PDE4B: variants seen among roughly 807,000 people sequenced by gnomAD.
PDE4B encodes the protein 3',5'-cyclic-AMP phosphodiesterase 4B.
Under a neutral mutation model 82.2 loss-of-function variants are expected in PDE4B, and 20 were observed. The ratio of observed to expected loss-of-function variants is 0.24; its 90% CI spans 0.17 to 0.35. The LOEUF is 0.35. PDE4B is among the 10% of genes least tolerant of loss of function. The probability of loss-of-function intolerance (pLI) is 1.00; values close to 1 mark genes in which losing one functional copy is unlikely to be tolerated. For missense variants in PDE4B, 655 were observed against 907.2 expected, an observed-to-expected ratio of 0.72 and a Z score of 3.57; for synonymous variants, 320 against 318.9, an observed-to-expected ratio of 1.00 and a Z score of -0.04.
At chr1:66,298,765 T>C (rs1187976123) in intron 7 of PDE4B, among the ~76,000 whole-genome samples, 1 of 152,132 alleles carries the variant, frequency 6.6e-6, no homozygotes, top group East Asian at 1.9e-4. Flanking sequence ...TTCCATACAG[T>C]GGAACTTGAG....
intron 3 of PDE4B, among the ~76,000 whole-genome samples, chr1:66,067,258 C>T (rs373938106): frequency 2.6e-5 from 4 of 152,000 alleles, no homozygotes; most frequent in Non-Finnish European, 5.9e-5. Flanking sequence ...CCTGAGGAAT[C>T]GCCACACTGA....
At chr1:66,086,546 T>C (rs1007003775) in intron 3 of PDE4B, among the ~76,000 whole-genome samples, 2 of 152,226 alleles carry the variant, frequency 1.3e-5, no homozygotes, top group Non-Finnish European at 2.9e-5. Flanking sequence ...GTTCCTATTA[T>C]GATTAAGTAA....
intron 1 of PDE4B, among the ~76,000 whole-genome samples, chr1:65,811,924 A>C (rs1259345863): frequency 1.3e-5 from 2 of 152,302 alleles, no homozygotes; most frequent in East Asian, 3.9e-4. Flanking sequence ...AAATATACAG[A>C]AGGTAAATGA....
intron 7 of PDE4B, among the ~76,000 whole-genome samples, chr1:66,290,339 T>C (rs1656977993): frequency 1.3e-5 from 2 of 152,196 alleles, no homozygotes; most frequent in African/African-American, 4.8e-5. Context: ...TATTTATTGA[T>C]GTGTACCAGG....
intron 3 of PDE4B, among the ~76,000 whole-genome samples, chr1:66,146,208 G>T (rs78895808): frequency 7.5e-5 from 9 of 119,772 alleles, no homozygotes; most frequent in African/African-American, 2.5e-4. Context: ...TTTTGAGACG[G>T]AGTCTCACTC....
chr1:65,888,638 G>A (rs1477427557), intron 1 of PDE4B, among the ~76,000 whole-genome samples: 1 of 152,042 alleles, frequency 6.6e-6, no homozygotes, highest in Non-Finnish European at 1.5e-5. Flanking sequence ...GTGTTTTGTA[G>A]TTTTCCTTGC....
chr1:66,004,158 G>A (rs957985561), intron 3 of PDE4B, among the ~76,000 whole-genome samples: 5 of 152,184 alleles, frequency 3.3e-5, no homozygotes, highest in Admixed American at 3.3e-4. Flanking sequence ...ATGAAGTAAT[G>A]TGTGTATGAT....
Position 66,155,504 on chromosome 1 carries a change from G to T in PDE4B, c.282-91956G>T, listed in dbSNP as rs955236069. 4.6e-5 allele frequency among the ~76,000 whole-genome samples: 7 copies of T among 151,920 alleles called. No homozygotes were observed. In the South Asian group the frequency reaches 6.2e-4, roughly 14 times the overall value. On this transcript the variant is annotated intron_variant, in intron 3 of 16. Coordinates refer to ENST00000341517, the MANE Select transcript of PDE4B (RefSeq NM_002600.4). ...GTTCTTAAAATTAATTTTTAGCAAG[G>T]TCAATCAATAAATTGGTTCATTTGC...
intron 3 of PDE4B, among the ~76,000 whole-genome samples, chr1:66,230,119 A>C (rs1010445536): frequency 2.6e-5 from 4 of 152,212 alleles, no homozygotes; most frequent in African/African-American, 9.6e-5. Flanking sequence ...GAGTTGCTTA[A>C]TTTGCCCTAA....
intron 3 of PDE4B, among the ~76,000 whole-genome samples, chr1:66,238,072 A>G (rs1437117975): frequency 1.3e-5 from 2 of 152,262 alleles, no homozygotes; most frequent in Admixed American, 1.3e-4. Context: ...CTTAAACTAA[A>G]GCTTAAAGAA....
In PDE4B at chr1:65,946,827, A is replaced by G. The variant is rs1247993835; in HGVS notation, c.281+27992A>G. 5.9e-5 allele frequency among the ~76,000 whole-genome samples: 9 copies of G among 152,022 alleles called. 1 individual carries two copies. The highest frequency in any genetic ancestry group is 5.9e-4 in the Admixed American group (9 of 15,238). On this transcript the variant is annotated intron_variant, in intron 3 of 16. Transcript: ENST00000341517. ...CTTTGCATCGTTTGGCAAATAGATC[A>G]TAACAGTAGTCTCAAGTGTATTATA...
chr1:66,090,617 A>AGTGTGTGTGTGTGTGTGTGTG (rs1342550461), intron 3 of PDE4B, among the ~76,000 whole-genome samples: 4 of 18,322 alleles, frequency 2.2e-4, no homozygotes, highest in South Asian at 1.4e-3. Context: ...TATGTATATA[A>AGTGTGTGTGTGTGTGTGTGTG]TATATGTGTG....
chr1:66,220,306 C>T (rs1650869507), intron 3 of PDE4B, among the ~76,000 whole-genome samples: 1 of 152,132 alleles, frequency 6.6e-6, no homozygotes, highest in Admixed American at 6.6e-5. Flanking sequence ...TACTCAGGTA[C>T]TTTTCTTTAA....
chr1:66,134,728 G>C (rs1235640681), intron 3 of PDE4B, among the ~76,000 whole-genome samples: 1 of 152,168 alleles, frequency 6.6e-6, no homozygotes, highest in Non-Finnish European at 1.5e-5. Context: ...GTGATGAGAG[G>C]TTGTTTGTAA....
At chr1:65,797,119 A>AT (rs1376556256) in intron 1 of PDE4B, among the ~76,000 whole-genome samples, 10 of 149,962 alleles carry the variant, frequency 6.7e-5, no homozygotes, top group Non-Finnish European at 8.9e-5. Flanking sequence ...CGCCTGGCTA[A>AT]TTTTTTTGTA....
intron 3 of PDE4B, among the ~76,000 whole-genome samples, chr1:65,985,116 T>C (rs181381882): frequency 1.3e-5 from 2 of 152,286 alleles, no homozygotes; most frequent in East Asian, 3.9e-4. Flanking sequence ...TTAAGTCAGC[T>C]GATCTTGATC....
chr1:66,231,650 G>A (rs572266371), intron 3 of PDE4B, among the ~76,000 whole-genome samples: 1 of 152,212 alleles, frequency 6.6e-6, no homozygotes, highest in Non-Finnish European at 1.5e-5. Flanking sequence ...AAATTTGAAG[G>A]CAGTAACTAT....
At chr1:66,017,727 G>T (rs577028861) in intron 3 of PDE4B, among the ~76,000 whole-genome samples, 1 of 152,178 alleles carries the variant, frequency 6.6e-6, no homozygotes, top group African/African-American at 2.4e-5. Context: ...TGCATGTCTT[G>T]AGATTAGAAA....
intron 3 of PDE4B, among the ~76,000 whole-genome samples, chr1:66,218,357 C>T (rs766578368): frequency 6.6e-6 from 1 of 152,026 alleles, no homozygotes; most frequent in African/African-American, 2.4e-5. Context: ...TGAAAGTGGT[C>T]CCAGGTGTTC....
Sources: allele counts gnomAD v4.1 joint callset (sites outside exome capture counted in the v4.1 genomes callset), GRCh38; gene constraint gnomAD v4.1.1; transcripts MANE v1.5; gene names NCBI Gene and HGNC (gene_info 2026-07-23, HGNC 2026-07-21).